The following TEP1 variants were observed in gnomAD, a reference collection of about 807,000 sequenced individuals.
The protein encoded by TEP1 is telomerase associated protein 1.
In TEP1, 241 loss-of-function variants were observed where a neutral mutation model predicts 306.3. The observed-to-expected ratio is 0.79, with a 90% confidence interval of 0.71 to 0.88. The LOEUF is 0.88. TEP1 is among the 40% of genes least tolerant of loss of function. TEP1 has a pLI of 0.00. For synonymous variants in TEP1, 1,289 were observed against 1,305.5 expected, an observed-to-expected ratio of 0.99 and a Z score of 0.27; for missense variants, 3,051 against 3,276.1, an observed-to-expected ratio of 0.93 and a Z score of 1.68.
intron 42 of TEP1, 87 bp downstream of exon 42, chr14:20,376,017 G>A: frequency 6.4e-7 from 1 of 1,551,598 alleles, no homozygotes; most frequent in Non-Finnish European, 8.8e-7. Flanking sequence ...ACAAAAAGCA[G>A]GAGGAAGCAA....
chr14:20,379,599 C>T (rs1351224318), intron 35 of TEP1, among the ~76,000 whole-genome samples: 1 of 152,208 alleles, frequency 6.6e-6, no homozygotes, highest in East Asian at 1.9e-4. Flanking sequence ...ACAACTCACT[C>T]ATGTCTTAAT....
rs896106292 is a variant in TEP1, at chr14:20,386,658, G to A, written c.2685-35C>T. The A allele has an allele frequency of 2.0e-6, 3 of 1,535,510 alleles. No individual in the cohort carries two copies. The South Asian group carries it at 3.7e-5, about 19-fold the overall frequency. On this transcript the variant is annotated intron_variant, in intron 18 of 54. Coordinates refer to ENST00000262715, the MANE Select transcript of TEP1 (RefSeq NM_007110.5). The stretch of plus-strand genomic sequence containing the variant: ...AGCAGAGAGCTGGGCTCAGTCTAGG[G>A]ATGATTCCCACCCCCCATCCATAGA...
chr14:20,390,573 T>C, intron 15 of TEP1, 108 bp downstream of exon 15: 2 of 1,034,760 alleles, frequency 1.9e-6, no homozygotes, highest in Admixed American at 1.9e-5. Flanking sequence ...CTGATCTGAC[T>C]ATTGTATGTG....
chr14:20,383,977 C>T (rs954601021), intron 24 of TEP1, 59 bp from the exon 25 acceptor site: 43 of 1,586,010 alleles, frequency 2.7e-5, no homozygotes, highest in Admixed American at 6.9e-5. Flanking sequence ...CTCCCTGTGC[C>T]TTACCTCCTT....
chr14:20,403,607 G>C (rs1594372742), intron 6 of TEP1, 116 bp downstream of exon 6: 2 of 1,586,920 alleles, frequency 1.3e-6, no homozygotes, highest in East Asian at 4.5e-5. Context: ...CAGCTCCCCT[G>C]CATTTCTCTG....
chr14:20,401,395 C>T (rs755127704), intron 8 of TEP1, 62 bp downstream of exon 8: 102 of 1,599,872 alleles, frequency 6.4e-5, no homozygotes, highest in Middle Eastern at 2.0e-4. Flanking sequence ...ATGGGGGCCA[C>T]GGATGTTGAA....
intron 13 of TEP1, 64 bp from the exon 14 acceptor site, chr14:20,391,160 A>ACCT: frequency 6.4e-7 from 1 of 1,561,204 alleles, no homozygotes; most frequent in South Asian, 1.1e-5. Flanking sequence ...TTGCCCAGCC[A>ACCT]GCCCTGGAGG....
chr14:20,391,449 A>T (rs1877712401), intron 13 of TEP1, 150 bp downstream of exon 13: 1 of 920,974 alleles, frequency 1.1e-6, no homozygotes, highest in African/African-American at 1.7e-5. Flanking sequence ...GCCCCTAGGA[A>T]CCAAGGACTG....
intron 51 of TEP1, among the ~76,000 whole-genome samples, chr14:20,370,356 C>T (rs560420130): frequency 6.6e-6 from 1 of 152,312 alleles, no homozygotes; most frequent in South Asian, 2.1e-4. Flanking sequence ...AATACCAGAC[C>T]ATCACCACAA....
rs752150379 is a variant in TEP1 at position 20,408,209 on chromosome 14, C to A, written c.231G>T (p.Leu77Phe). The A allele has an allele frequency of 6.2e-7, 1 of 1,613,452 alleles. No individual in the cohort carries two copies. Among genetic ancestry groups the A allele is most frequent in the South Asian group, 1.1e-5 (1 of 91,072 alleles). ...YVSAHPDILS[L>F]ENQCLATLSD... ...AAAGTGTGGCCAGGCACTGGTTCTC[C>A]AAGGAGAGGATGTCTGGGTGGGCAG... Residue 77 changes from leucine to phenylalanine, a missense_variant, in exon 2 of 55, where the codon TTG becomes TTT. Transcript: ENST00000262715.
intron 1 of TEP1, among the ~76,000 whole-genome samples, chr14:20,412,808 A>G (rs145271356): frequency 0.013 from 1,860 of 147,274 alleles, 41 homozygotes; most frequent in African/African-American, 0.043. Context: ...ACAGGCGCCC[A>G]CCACCATGCC....
Position 20,386,516 on chromosome 14 carries a change from G to C in TEP1, c.2792C>G (p.Pro931Arg). 6.2e-7 allele frequency: 1 copy of C among 1,612,960 alleles called. No homozygotes were observed. The highest frequency in any genetic ancestry group is 1.7e-5 in the Admixed American group (1 of 59,960). The change falls in exon 19 of 55, where the codon CCT (proline) becomes CGT (arginine). Residue 931 changes from proline to arginine, a missense_variant. Physicochemically the swap from Pro to Arg is moderately radical, Grantham distance 103. Coordinates refer to ENST00000262715, the MANE Select transcript of TEP1 (RefSeq NM_007110.5). ...VLPALQARAA[P>R]HRISLHGIDL... is the part of the protein sequence containing the mutation. ...GATTCCGTGAAGGCTGATACGGTGA[G>C]GGGCCGCTCGGGCCTGCAGTGCTGG...
chr14:20,377,762 C>A lies in TEP1; in HGVS notation c.5722-9G>T, dbSNP rs1382803064. 1 of 1,612,840 alleles carries A rather than the reference C, an allele frequency of 6.2e-7. No homozygotes were observed. The highest frequency in any genetic ancestry group is 1.7e-5 in the Admixed American group (1 of 59,806). ...CCTGACCACACCTGAACCTGGGAAC[C>A]AAGAAAAGGGCTTAAGGATACCACC... On this transcript the variant is annotated splice_polypyrimidine_tract_variant and intron_variant, in intron 39 of 54. Coordinates refer to ENST00000262715, the MANE Select transcript of TEP1 (RefSeq NM_007110.5).
At position 20,389,424 on chromosome 14, in the gene TEP1, C is replaced by T. The variant is rs139716447; in HGVS notation, c.2466-127G>A. ...AATAGGGTTATGTGGTAGGCTAGGGCTAGGGTGGACTCTCACAGAGGGGTA... is the reference window on the plus strand; with the variant it reads ...AATAGGGTTATGTGGTAGGCTAGGGTTAGGGTGGACTCTCACAGAGGGGTA... On this transcript the variant is annotated intron_variant, in intron 16 of 54. Coordinates refer to ENST00000262715, the MANE Select transcript of TEP1 (RefSeq NM_007110.5). The T allele has an allele frequency of 8.5e-5, 121 of 1,417,968 alleles. No homozygotes were observed. In the East Asian group the frequency reaches 2.7e-3, roughly 32 times the overall value. The allele number at this position is 1,417,968 out of a possible 1,614,324, so 87.8% of individuals were successfully genotyped here.
intron 18 of TEP1, 24 bp downstream of exon 18, chr14:20,387,881 A>C (rs1877335074): frequency 6.4e-7 from 1 of 1,560,352 alleles, no homozygotes; most frequent in Non-Finnish European, 8.6e-7. Flanking sequence ...CCCAATTCAC[A>C]AAGGCATAGA....
intron 33 of TEP1, 113 bp from the exon 34 acceptor site, chr14:20,380,588 T>C: frequency 7.0e-7 from 1 of 1,431,032 alleles, no homozygotes; most frequent in Non-Finnish European, 9.2e-7. Flanking sequence ...TGTGGCCCTC[T>C]GGCCCTATAT....
chr14:20,383,419 TCTC>T lies in TEP1; in HGVS notation c.3867+66_3868-67del. 2 of 1,608,560 alleles carry T rather than the reference TCTC, an allele frequency of 1.2e-6. 1 individual carries two copies. The highest frequency in any genetic ancestry group is 2.2e-5 in the South Asian group (2 of 90,438). ...AGGAGAACCACATTGGAGAGGCCTCTCTCCTCCGTGCCGTATCCCTCCTTCTCC... is the reference window on the plus strand; with the variant it reads ...AGGAGAACCACATTGGAGAGGCCTCTCTCCGTGCCGTATCCCTCCTTCTCC... On this transcript the variant is annotated intron_variant, in intron 26 of 54. Transcript: ENST00000262715.
At position 20,372,978 on chromosome 14, in the gene TEP1, CACAG is replaced by C. The variant is rs777541865; in HGVS notation, c.6951+29_6951+32del. 14 of 1,613,844 alleles carry C rather than the reference CACAG, an allele frequency of 8.7e-6. No individual in the cohort carries two copies. In the East Asian group the frequency reaches 1.3e-4, roughly 15 times the overall value. On this transcript the variant is annotated intron_variant, in intron 48 of 54. Coordinates refer to ENST00000262715, the MANE Select transcript of TEP1 (RefSeq NM_007110.5). ...AAATACACAGCCAGGGTAGAATTCA[CACAG>C]ACAAAGAACCAAGGGTACACCGACT...
At chr14:20,369,854 G>C in intron 51 of TEP1, 75 bp from the exon 52 acceptor site, 1 of 1,189,438 alleles carries the variant, frequency 8.4e-7, no homozygotes, top group Non-Finnish European at 1.2e-6. Flanking sequence ...ACAGTTTTCT[G>C]CTCTGGGCTG....
Sources: allele counts gnomAD v4.1 joint callset (sites outside exome capture counted in the v4.1 genomes callset), GRCh38; gene constraint gnomAD v4.1.1; transcripts MANE v1.5; gene names NCBI Gene and HGNC (gene_info 2026-07-23, HGNC 2026-07-21).